The following GPM6A variants were observed in gnomAD, a reference collection of about 807,000 sequenced individuals.
The protein encoded by GPM6A is glycoprotein M6A, also known as neuronal membrane glycoprotein M6-a.
GPM6A carries 7 observed loss-of-function variants against 32.1 expected under a neutral mutation model. The ratio of observed to expected loss-of-function variants is 0.22; its 90% CI spans 0.12 to 0.41. The LOEUF (loss-of-function observed/expected upper bound fraction) is 0.41, where lower values mean the gene tolerates loss of function less well. Among genes scored for constraint, GPM6A ranks in the 10% least tolerant of loss-of-function variants. The pLI, the probability that GPM6A is intolerant of heterozygous loss-of-function variation, is 1.00. For synonymous variants in GPM6A, 130 were observed against 123.4 expected (o/e 1.05, Z -0.35); for missense variants, 235 against 347.2 (o/e 0.68, Z 2.57).
At chr4:175,914,629 C>A (rs774579989) in intron 1 of GPM6A, among the ~76,000 whole-genome samples, 1 of 152,080 alleles carries the variant, frequency 6.6e-6, no homozygotes, top group Non-Finnish European at 1.5e-5. Context: ...GCCTGCAAAT[C>A]TGCATTTTAC....
chr4:175,681,507 T>C (rs964935352), intron 2 of GPM6A, among the ~76,000 whole-genome samples: 3 of 152,230 alleles, frequency 2.0e-5, no homozygotes, highest in South Asian at 2.1e-4. Context: ...TGTCTGTTGA[T>C]AGTTTAGATA....
intron 1 of GPM6A, among the ~76,000 whole-genome samples, chr4:175,740,569 T>G (rs574224128): frequency 6.6e-6 from 1 of 152,154 alleles, no homozygotes; most frequent in South Asian, 2.1e-4. Context: ...ATTAATTGAA[T>G]ATATCTTAAT....
intron 1 of GPM6A, among the ~76,000 whole-genome samples, chr4:175,983,157 G>T (rs1473787573): frequency 1.3e-5 from 2 of 152,106 alleles, no homozygotes; most frequent in Admixed American, 6.6e-5. Context: ...AACGAAGGAG[G>T]AAAGCTATGA....
At chr4:175,893,262 A>G (rs960166338) in intron 1 of GPM6A, among the ~76,000 whole-genome samples, 1 of 152,216 alleles carries the variant, frequency 6.6e-6, no homozygotes, top group Admixed American at 6.5e-5. Flanking sequence ...TTTATTGATA[A>G]TACTAGAAAA....
chr4:175,870,954 A>G (rs1736887544), intron 1 of GPM6A, among the ~76,000 whole-genome samples: 1 of 152,120 alleles, frequency 6.6e-6, no homozygotes, highest in Admixed American at 6.5e-5. Flanking sequence ...GAAAGATTCA[A>G]TAAATGTGAG....
chr4:175,816,168 G>GA (rs1735094665), upstream of GPM6A, among the ~76,000 whole-genome samples: 1 of 152,172 alleles, frequency 6.6e-6, no homozygotes, highest in Admixed American at 6.5e-5. Context: ...TGCAGCCTGG[G>GA]CCACAGGGTA....
At chr4:175,636,125 A>G (rs888878365) in intron 6 of GPM6A, among the ~76,000 whole-genome samples, 1 of 151,438 alleles carries the variant, frequency 6.6e-6, no homozygotes, top group Non-Finnish European at 1.5e-5. Context: ...ACTATAAATA[A>G]CCTATTTTTA....
intron 1 of GPM6A, among the ~76,000 whole-genome samples, chr4:175,872,952 A>C (rs993037066): frequency 2.6e-5 from 4 of 152,174 alleles, no homozygotes; most frequent in African/African-American, 9.6e-5. Flanking sequence ...AAGGGATCAA[A>C]AGAAATGGAA....
intron 1 of GPM6A, among the ~76,000 whole-genome samples, chr4:175,865,024 T>C (rs1736687576): frequency 6.6e-6 from 1 of 152,148 alleles, no homozygotes; most frequent in Non-Finnish European, 1.5e-5. Flanking sequence ...TTGGCCAGGA[T>C]GGCCTTGAAC....
chr4:175,665,444 A>G (rs2110959199), intron 3 of GPM6A, among the ~76,000 whole-genome samples: 1 of 152,278 alleles, frequency 6.6e-6, no homozygotes, highest in South Asian at 2.1e-4. Flanking sequence ...TTATTTTTTC[A>G]ATTGAAAACA....
chr4:175,818,222 C>T (rs1735169677), intron 1 of GPM6A, among the ~76,000 whole-genome samples: 1 of 152,172 alleles, frequency 6.6e-6, no homozygotes, highest in African/African-American at 2.4e-5. Flanking sequence ...TCATTCATCT[C>T]CTTCTAATTT....
chr4:175,829,596 G>C (rs1182833827), intron 1 of GPM6A, among the ~76,000 whole-genome samples: 2 of 149,528 alleles, frequency 1.3e-5, no homozygotes, highest in Non-Finnish European at 3.0e-5. Context: ...TTTGCATGTG[G>C]ACACTTCAAT....
chr4:175,818,855 T>C (rs2111345946), intron 1 of GPM6A, among the ~76,000 whole-genome samples: 1 of 152,258 alleles, frequency 6.6e-6, no homozygotes, highest in Non-Finnish European at 1.5e-5. Flanking sequence ...AGCTGGGAAA[T>C]ATTAATTGTG....
intron 1 of GPM6A, among the ~76,000 whole-genome samples, chr4:175,822,651 C>CT (rs11446115): frequency 0.82 from 120,914 of 148,078 alleles, 50,623 homozygotes; most frequent in Middle Eastern, 0.95. Context: ...TCTTTTCATG[C>CT]TTTTTTTTTT....
chr4:175,877,393 C>A (rs1737118734), intron 1 of GPM6A, among the ~76,000 whole-genome samples: 1 of 152,144 alleles, frequency 6.6e-6, no homozygotes, highest in African/African-American at 2.4e-5. Context: ...TCCATTCTCA[C>A]CCTGCTATGA....
intron 1 of GPM6A, among the ~76,000 whole-genome samples, chr4:175,969,694 A>G (rs551768676): frequency 6.6e-6 from 1 of 152,128 alleles, no homozygotes; most frequent in East Asian, 1.9e-4. Flanking sequence ...CAGGGCAACA[A>G]AGCAAAACTC....
chr4:175,813,087 GA>G (rs1734991786), upstream of GPM6A: 2 of 982,768 alleles, frequency 2.0e-6, no homozygotes, highest in Admixed American at 6.1e-5. Context: ...GTAAAAGGGA[GA>G]AAACCACTGG....
intron 1 of GPM6A, among the ~76,000 whole-genome samples, chr4:175,914,262 C>T (rs556383591): frequency 1.3e-4 from 20 of 152,170 alleles, no homozygotes; most frequent in South Asian, 4.1e-4. Flanking sequence ...TGTGGAAAGA[C>T]GGGGTAAAGG....
intron 1 of GPM6A, among the ~76,000 whole-genome samples, chr4:175,870,669 C>G (rs1357316686): frequency 6.6e-6 from 1 of 152,100 alleles, no homozygotes; most frequent in African/African-American, 2.4e-5. Flanking sequence ...GTTCCCACAC[C>G]CTATGTCATG....
Sources: gnomAD v4.1 joint callset for allele counts (sites outside exome capture counted in the v4.1 genomes callset) on GRCh38, gnomAD v4.1.1 for gene constraint, MANE v1.5 for transcripts, NCBI Gene and HGNC (gene_info 2026-07-23, HGNC 2026-07-21) for gene names.